The following RAP1GAP variants were observed in gnomAD, a reference collection of about 807,000 sequenced individuals.
The protein encoded by RAP1GAP is RAP1 GTPase activating protein, also known as rap1 GTPase-activating protein 1.
A neutral mutation model predicts 87.2 loss-of-function variants in RAP1GAP; 35 were observed. That is an observed-to-expected ratio of 0.40 (90% CI 0.31 to 0.53). The LOEUF is 0.53. Ranked by LOEUF, RAP1GAP falls within the 20% of genes least tolerant of loss-of-function variation. The pLI, the probability that RAP1GAP is intolerant of heterozygous loss-of-function variation, is 0.48. For synonymous variants in RAP1GAP, 375 were observed against 363.9 expected (o/e 1.03, Z -0.35); for missense variants, 734 against 898.9 (o/e 0.82, Z 2.35).
In RAP1GAP at chr1:21,603,162, C is replaced by T. The variant is rs41307882; in HGVS notation, c.1429-249G>A. On this transcript the variant is annotated intron_variant, in intron 18 of 24. Transcript: ENST00000374765. This position sits in a 1 kb window ranked among gnomAD's most constrained non-coding sequence, Gnocchi z 6.0. ...CGTCAATACTGGCCCAGGATTAGGA[C>T]AGCATCCTGAGGGGGCTAGGGTGGG... The T allele has an allele frequency of 0.031, 15,803 of 503,330 alleles. 355 individuals are homozygous for T. The highest frequency in any genetic ancestry group is 0.04 in the Non-Finnish European group (11,395 of 281,400). 31.2% of individuals were successfully genotyped at this position (503,330 alleles called of 1,614,324 possible).
chr1:21,611,826 AG>A lies in RAP1GAP; in HGVS notation c.613-11del, dbSNP rs1200983411. ...GTTCTTCCTCGGAGGTCTGGGGATG[AG>A]GGGCCAAGGTCATTGAGCTGGAGTT... is the stretch of plus-strand genomic sequence containing the variant. On this transcript the variant is annotated splice_polypyrimidine_tract_variant and intron_variant, in intron 11 of 24. Transcript: ENST00000374765. The A allele has an allele frequency of 6.3e-7, 1 of 1,598,844 alleles. No individual in the cohort carries two copies. Among genetic ancestry groups the A allele is most frequent in the African/African-American group, 1.3e-5 (1 of 74,540 alleles).
chr1:21,639,588 T>A (rs942208682), intron 2 of RAP1GAP, among the ~76,000 whole-genome samples: 1 of 152,132 alleles, frequency 6.6e-6, no homozygotes, highest in Non-Finnish European at 1.5e-5. Flanking sequence ...GAGCATTAAA[T>A]GAGAGAATGC....
At chr1:21,619,139 A>G in intron 4 of RAP1GAP, 67 bp from the exon 5 acceptor site, 1 of 1,492,996 alleles carries the variant, frequency 6.7e-7, no homozygotes. Flanking sequence ...CCCCTCCCCA[A>G]GGCGTGCAAG....
In RAP1GAP at chr1:21,617,354, G is replaced by C. The variant is rs138918108; in HGVS notation, c.243C>G (p.Leu81=). 2.6e-5 allele frequency: 41 copies of C among 1,598,084 alleles called. No individual in the cohort carries two copies. The Admixed American group carries it at 7.2e-4, about 28-fold the overall frequency. ...PLQSPTTKVK[L]ECNPTARIYR... Reference sequence around the variant, plus strand: ...AGATGCGGGCTGTGGGGTTGCACTCGAGCTTCACCTTGGTTGTGGGCGACT... The same window carrying C: ...AGATGCGGGCTGTGGGGTTGCACTCCAGCTTCACCTTGGTTGTGGGCGACT... Residue 81 remains leucine (L), a synonymous_variant, in exon 7 of 25, where the codon CTC becomes CTG. Coordinates refer to ENST00000374765, the MANE Select transcript of RAP1GAP (RefSeq NM_002885.4).
intron 16 of RAP1GAP, 113 bp downstream of exon 16, chr1:21,608,737 G>T: frequency 9.6e-7 from 1 of 1,040,988 alleles, no homozygotes. Flanking sequence ...AGCCCCAGGT[G>T]TCCCCGCTAA....
rs2071095485 is a variant in RAP1GAP at position 21,603,556 on chromosome 1, G to A, written c.1429-643C>T. 1 of 624,188 alleles carries A rather than the reference G, an allele frequency of 1.6e-6. No individual in the cohort carries two copies. The highest frequency in any genetic ancestry group is 2.9e-6 in the Non-Finnish European group (1 of 346,120). 38.7% of individuals were successfully genotyped at this position (624,188 alleles called of 1,614,324 possible). A position where few individuals can be genotyped will look rare whatever the true frequency, so the allele number is the denominator to read the frequency against. ...TTGGGGGACGTGCGGCTGGGTGTAG[G>A]GCCTTTGGGTACCGGATCCTGGCAG... On this transcript the variant is annotated intron_variant, in intron 18 of 24. Transcript: ENST00000374765. This position sits in a 1 kb window ranked among gnomAD's most constrained non-coding sequence, Gnocchi z 6.0.
At chr1:21,610,423 G>A (rs1558663869) in intron 13 of RAP1GAP, 148 bp from the exon 14 acceptor site, 1 of 822,756 alleles carries the variant, frequency 1.2e-6, no homozygotes, top group Non-Finnish European at 1.9e-6. Context: ...AAAAAAACTT[G>A]TCTTAAAACT....
At chr1:21,598,290 G>A (rs1218559434) in intron 22 of RAP1GAP, 110 bp downstream of exon 22, 3 of 1,048,088 alleles carry the variant, frequency 2.9e-6, no homozygotes, top group Non-Finnish European at 4.3e-6. Flanking sequence ...CCAAGTCAGG[G>A]GCAGTCACAT....
intron 1 of RAP1GAP, among the ~76,000 whole-genome samples, chr1:21,661,940 A>C (rs2097168399): frequency 6.6e-6 from 1 of 152,218 alleles, no homozygotes; most frequent in African/African-American, 2.4e-5. Flanking sequence ...AGTCTCTTGG[A>C]AACAGCTCTG....
intron 20 of RAP1GAP, 151 bp from the exon 21 acceptor site, chr1:21,599,768 C>T (rs2066652520): frequency 1.0e-6 from 1 of 1,002,606 alleles, no homozygotes; most frequent in South Asian, 1.7e-5. Context: ...GCCTCTGAGC[C>T]CCCCAGACTC....
rs1208990994 is a variant in RAP1GAP at position 21,603,287 on chromosome 1, A to G, written c.1429-374T>C. On this transcript the variant is annotated intron_variant, in intron 18 of 24. Coordinates refer to ENST00000374765, the MANE Select transcript of RAP1GAP (RefSeq NM_002885.4). The surrounding 1 kb of genome is among the most constrained non-coding windows in gnomAD (Gnocchi z 6.0). ...TGGTCAGAGGGCAGTGTAGCAACCCAAGTCCCACCCCGTGCCAGCTAGGGC... is the reference window on the plus strand; with the variant it reads ...TGGTCAGAGGGCAGTGTAGCAACCCGAGTCCCACCCCGTGCCAGCTAGGGC... 2 of 385,384 alleles carry G rather than the reference A, an allele frequency of 5.2e-6. No homozygotes were observed. Among genetic ancestry groups the G allele is most frequent in the South Asian group, 4.3e-5 (1 of 23,460 alleles). 23.9% of individuals were successfully genotyped at this position (385,384 alleles called of 1,614,324 possible).
At chr1:21,631,892 C>T (rs1224287996) in intron 2 of RAP1GAP, among the ~76,000 whole-genome samples, 2 of 152,158 alleles carry the variant, frequency 1.3e-5, no homozygotes, top group Admixed American at 6.5e-5. Context: ...CCCTCAGTCC[C>T]GTCACCTGGC....
At position 21,634,571 on chromosome 1, in the gene RAP1GAP, G is replaced by C. The variant is rs554588810; in HGVS notation, c.-112-8174C>G. On this transcript the variant is annotated intron_variant, in intron 2 of 24. Transcript: ENST00000374765. The surrounding 1 kb of genome is among the most constrained non-coding windows in gnomAD (Gnocchi z 4.1). ...ACTCAGGCCCCAAGCTGGGCAGAGG[G>C]ATGGGCAGGAAGGTGGCACATGGGG... Among the ~76,000 whole-genome samples the C allele has an allele frequency of 2.0e-5, 3 of 152,332 alleles. No homozygotes were observed. Among genetic ancestry groups the C allele is most frequent in the South Asian group, 4.1e-4 (2 of 4,830 alleles).
rs956303082 is a variant in RAP1GAP, at chr1:21,596,236, T to C, written c.*1063A>G. On this transcript the variant is annotated 3_prime_UTR_variant, in exon 25 of 25. Coordinates refer to ENST00000374765, the MANE Select transcript of RAP1GAP (RefSeq NM_002885.4). ...CAACTCTGGGTACAATAGCGATAAATAGAATTTATTTTATACAACTGTTAC... is the reference window on the plus strand; with the variant it reads ...CAACTCTGGGTACAATAGCGATAAACAGAATTTATTTTATACAACTGTTAC... 6.6e-5 allele frequency: 10 copies of C among 152,142 alleles called. No homozygotes were observed. The highest frequency in any genetic ancestry group is 1.7e-4 in the African/African-American group (7 of 41,430). The allele number at this position is 152,142 out of a possible 1,614,324, so 9.4% of individuals were successfully genotyped here.
At chr1:21,618,076 G>A in intron 5 of RAP1GAP, 104 bp from the exon 6 acceptor site, 1 of 1,374,304 alleles carries the variant, frequency 7.3e-7, no homozygotes, top group South Asian at 1.2e-5. Context: ...GTGCGGATGG[G>A]GCCCTGGCCT....
Position 21,613,865 on chromosome 1 carries a change from C to T in RAP1GAP, c.395+121G>A. On this transcript the variant is annotated intron_variant, in intron 8 of 24. Transcript: ENST00000374765. The surrounding 1 kb of genome is among the most constrained non-coding windows in gnomAD (Gnocchi z 4.7). The stretch of plus-strand genomic sequence containing the variant: ...CTCGGGTACTAACTTGCTGTGCAAC[C>T]TCAAGCAAATCCCTGCCCCTCTATG... The T allele has an allele frequency of 8.6e-7, 1 of 1,166,722 alleles. No individual in the cohort carries two copies. The highest frequency in any genetic ancestry group is 1.2e-6 in the Non-Finnish European group (1 of 805,814). The allele number at this position is 1,166,722 out of a possible 1,614,324, so 72.3% of individuals were successfully genotyped here.
intron 18 of RAP1GAP, among the ~76,000 whole-genome samples, chr1:21,604,706 C>T (rs1300461689): frequency 6.6e-6 from 1 of 151,938 alleles, no homozygotes; most frequent in Non-Finnish European, 1.5e-5. Context: ...CGGGGAATTC[C>T]CTCCTGCCAC....
In RAP1GAP at chr1:21,602,998, C is replaced by T. The variant is rs1180046984; in HGVS notation, c.1429-85G>A. 5.1e-6 allele frequency: 5 copies of T among 987,624 alleles called. No homozygotes were observed. The South Asian group carries it at 7.3e-5, about 15-fold the overall frequency. 61.2% of individuals were successfully genotyped at this position (987,624 alleles called of 1,614,324 possible). On this transcript the variant is annotated intron_variant, in intron 18 of 24. Coordinates refer to ENST00000374765, the MANE Select transcript of RAP1GAP (RefSeq NM_002885.4). ...CATCCCCTCTGGGGATCCTGCTGCC[C>T]CAGGCCCTGAAGCAGAGTTGATGAG...
chr1:21,623,741 T>C (rs1311539346), intron 3 of RAP1GAP, among the ~76,000 whole-genome samples: 6 of 152,180 alleles, frequency 3.9e-5, no homozygotes, highest in Admixed American at 6.5e-5. Flanking sequence ...ACAGCAAATA[T>C]TGATTTATGC....
Sources: allele counts gnomAD v4.1 joint callset (sites outside exome capture counted in the v4.1 genomes callset), GRCh38; gene constraint gnomAD v4.1.1; non-coding constraint Gnocchi (gnomAD v3.1); transcripts MANE v1.5; gene names NCBI Gene and HGNC (gene_info 2026-07-23, HGNC 2026-07-21).